The following LRRTM3 variants were observed in gnomAD, a reference collection of about 807,000 sequenced individuals.
LRRTM3 encodes the protein leucine-rich repeat transmembrane neuronal protein 3.
LRRTM3 carries 24 observed loss-of-function variants against 44.7 expected under a neutral mutation model. The observed-to-expected ratio is 0.54, with a 90% CI of 0.39 to 0.76. The LOEUF is 0.76. Among genes scored for constraint, LRRTM3 ranks in the 30% least tolerant of loss-of-function variants. The pLI is 0.00. For missense variants in LRRTM3, 587 were observed against 702.2 expected (o/e 0.84, Z 1.85); for synonymous variants, 277 against 278.7 (o/e 0.99, Z 0.06).
chr10:66,995,400 C>T (rs761908223), intron 2 of LRRTM3, among the ~76,000 whole-genome samples: 66 of 152,200 alleles, frequency 4.3e-4, no homozygotes, highest in Admixed American at 5.9e-4. Flanking sequence ...TCATCTCTTA[C>T]ATGGCCCATG....
chr10:67,080,171 A>T (rs1243089035), intron 2 of LRRTM3, among the ~76,000 whole-genome samples: 1 of 152,156 alleles, frequency 6.6e-6, no homozygotes, highest in African/African-American at 2.4e-5. Context: ...TCAAGAAAGA[A>T]AATTATTCCT....
intron 2 of LRRTM3, among the ~76,000 whole-genome samples, chr10:66,976,175 AT>A (rs1564806769): frequency 6.6e-6 from 1 of 152,218 alleles, no homozygotes; most frequent in African/African-American, 2.4e-5. Context: ...TTTAAAAATA[AT>A]TTAAAGTAAC....
chr10:67,018,052 G>A (rs1852772222), intron 2 of LRRTM3, among the ~76,000 whole-genome samples: 1 of 152,096 alleles, frequency 6.6e-6, no homozygotes, highest in South Asian at 2.1e-4. Flanking sequence ...GATTACAGGT[G>A]TGAGCCACCA....
chr10:67,081,699 G>A (rs929447938), intron 2 of LRRTM3, among the ~76,000 whole-genome samples: 4 of 152,072 alleles, frequency 2.6e-5, no homozygotes, highest in Non-Finnish European at 5.9e-5. Context: ...TAGTCTCCTG[G>A]ACCAGCTATG....
In LRRTM3 at chr10:66,927,913, C is replaced by G; in HGVS notation, c.997C>G (p.Leu333Val). ...LVNWLKSFKG[L>V]RENTIICASP... The stretch of plus-strand genomic sequence containing the variant: ...AAACTGGCTGAAAAGTTTTAAAGGT[C>G]TAAGGGAGAATACAATTATCTGTGC... Residue 333 changes from leucine to valine, a missense_variant, in exon 2 of 3, where the codon CTA (leucine) becomes GTA (valine). This residue lies in a region of LRRTM3 where 315 missense variants were observed against 335.6 expected (regional missense o/e 0.94). Transcript: ENST00000361320. The surrounding 1 kb of genome is among the most constrained non-coding windows in gnomAD (Gnocchi z 4.7). 1 of 1,614,186 alleles carries G rather than the reference C, an allele frequency of 6.2e-7. No individual in the cohort carries two copies. The highest frequency in any genetic ancestry group is 8.5e-7 in the Non-Finnish European group (1 of 1,180,046).
intron 2 of LRRTM3, among the ~76,000 whole-genome samples, chr10:67,011,848 G>A (rs1852360837): frequency 6.6e-6 from 1 of 152,110 alleles, no homozygotes; most frequent in African/African-American, 2.4e-5. Flanking sequence ...CCTACAGGTT[G>A]CATGTGGCAG....
chr10:67,061,309 G>T (rs1855742617), intron 2 of LRRTM3, among the ~76,000 whole-genome samples: 1 of 152,114 alleles, frequency 6.6e-6, no homozygotes, highest in Admixed American at 6.6e-5. Context: ...TACATCAGGT[G>T]CATATTGCTA....
At chr10:67,050,320 G>T (rs1855005113) in intron 2 of LRRTM3, among the ~76,000 whole-genome samples, 1 of 152,128 alleles carries the variant, frequency 6.6e-6, no homozygotes, top group Admixed American at 6.5e-5. Flanking sequence ...CCTTTCTTGA[G>T]CGTTCGGTCT....
chr10:67,045,425 T>G (rs1323227690), intron 2 of LRRTM3, among the ~76,000 whole-genome samples: 1 of 152,202 alleles, frequency 6.6e-6, no homozygotes, highest in African/African-American at 2.4e-5. Context: ...TTTTTGTTGT[T>G]GTTGTTTGTT....
chr10:67,031,400 T>C (rs1359747798), intron 2 of LRRTM3, among the ~76,000 whole-genome samples: 2 of 152,208 alleles, frequency 1.3e-5, no homozygotes, highest in African/African-American at 4.8e-5. Flanking sequence ...TCTTCACTTC[T>C]GGCTACATTA....
chr10:66,928,592 T>C (rs2132628785), intron 2 of LRRTM3, 140 bp downstream of exon 2: 1 of 758,694 alleles, frequency 1.3e-6, no homozygotes, highest in Non-Finnish European at 2.1e-6. Context: ...AGATCCTTCC[T>C]TGTCCGTTTT....
chr10:66,972,578 T>G (rs1849783581), intron 2 of LRRTM3, among the ~76,000 whole-genome samples: 1 of 152,162 alleles, frequency 6.6e-6, no homozygotes, highest in Non-Finnish European at 1.5e-5. Context: ...CAGATTGTTT[T>G]ATTACTTCAG....
At position 67,080,933 on chromosome 10, in the gene LRRTM3, CAACA is replaced by C. The variant is rs1564878138; in HGVS notation, c.1537-16651_1537-16648del. On this transcript the variant is annotated intron_variant, in intron 2 of 2. Coordinates refer to ENST00000361320, the MANE Select transcript of LRRTM3 (RefSeq NM_178011.5). Reference sequence around the variant, plus strand: ...GAAAAAAAACAAAAAAACAAAAAAACAACAAAAAAAAAAAAACAAAGAAGAGGTG... The same window carrying C: ...GAAAAAAAACAAAAAAACAAAAAAACAAAAAAAAAAAACAAAGAAGAGGTG... Among the ~76,000 whole-genome samples the C allele has an allele frequency of 4.1e-3, 580 of 142,028 alleles. 2 individuals are homozygous for C. Among genetic ancestry groups the C allele is most frequent in the African/African-American group, 7.1e-3 (271 of 37,950 alleles). 93.2% of individuals were successfully genotyped at this position (142,028 alleles called of 152,430 possible). A position where few individuals can be genotyped will look rare whatever the true frequency, so the allele number is the denominator to read the frequency against.
intron 2 of LRRTM3, among the ~76,000 whole-genome samples, chr10:66,983,815 T>TA (rs1281327658): frequency 6.6e-6 from 1 of 152,208 alleles, no homozygotes; most frequent in Non-Finnish European, 1.5e-5. Flanking sequence ...TACTACCTGT[T>TA]AAAAATGTAC....
chr10:67,074,392 C>T (rs1856635788), intron 2 of LRRTM3, among the ~76,000 whole-genome samples: 1 of 130,944 alleles, frequency 7.6e-6, no homozygotes, highest in Non-Finnish European at 1.6e-5. Flanking sequence ...GCTCTGTCGC[C>T]CAGGCTGAAG....
chr10:67,047,060 C>T (rs139448404), intron 2 of LRRTM3, among the ~76,000 whole-genome samples: 2 of 152,180 alleles, frequency 1.3e-5, no homozygotes, highest in Non-Finnish European at 2.9e-5. Flanking sequence ...TATCTGATTC[C>T]TTGCTTCTGC....
At chr10:66,934,767 C>T (rs1030809969) in intron 2 of LRRTM3, among the ~76,000 whole-genome samples, 7 of 152,030 alleles carry the variant, frequency 4.6e-5, no homozygotes, top group Non-Finnish European at 1.0e-4. Context: ...GTTTTTTTGG[C>T]CTGGCATATA....
chr10:66,950,474 TCTCA>T (rs1848485739), intron 2 of LRRTM3, among the ~76,000 whole-genome samples: 1 of 151,912 alleles, frequency 6.6e-6, no homozygotes, highest in Non-Finnish European at 1.5e-5. Flanking sequence ...CTTGTGAGAG[TCTCA>T]CTGAGACTCT....
Position 67,079,462 on chromosome 10 carries a change from G to A in LRRTM3, c.1537-18125G>A, listed in dbSNP as rs536638997. Among the ~76,000 whole-genome samples the A allele has an allele frequency of 3.9e-4, 60 of 152,204 alleles. 1 individual carries two copies. The South Asian group carries it at 4.8e-3, about 12-fold the overall frequency. On this transcript the variant is annotated intron_variant, in intron 2 of 2. Transcript: ENST00000361320. ...AAACCCCAATAAAGCCAATAAATTCGCAAATATCTCCCGAGGATCAGAGGA... is the reference window on the plus strand; with the variant it reads ...AAACCCCAATAAAGCCAATAAATTCACAAATATCTCCCGAGGATCAGAGGA...
Sources: gnomAD v4.1 joint callset for allele counts (sites outside exome capture counted in the v4.1 genomes callset) on GRCh38, gnomAD v4.1.1 for gene constraint, gnomAD v4.1.1 regional missense constraint, Gnocchi (gnomAD v3.1) non-coding constraint, MANE v1.5 for transcripts, NCBI Gene and HGNC (gene_info 2026-07-23, HGNC 2026-07-21) for gene names.